TSHZ3: variants seen among roughly 807,000 people sequenced by gnomAD.
TSHZ3 encodes teashirt zinc finger homeobox 3, also known as teashirt homolog 3.
Under a neutral mutation model 64.5 loss-of-function variants are expected in TSHZ3, and 10 were observed. The ratio of observed to expected loss-of-function variants is 0.16; its 90% CI spans 0.10 to 0.26. TSHZ3 has a LOEUF of 0.26. Among genes scored for constraint, TSHZ3 ranks in the 10% least tolerant of loss-of-function variants. The pLI is 1.00. For missense variants in TSHZ3, 1,242 were observed against 1,421.7 expected (o/e 0.87, Z 2.03); for synonymous variants, 608 against 593.1 (o/e 1.03, Z -0.36).
intron 5 of TSHZ3, among the ~76,000 whole-genome samples, chr19:31,190,241 GT>G (rs998865743): frequency 6.6e-6 from 1 of 152,134 alleles, no homozygotes; most frequent in Non-Finnish European, 1.5e-5. Context: ...GTTCCCTGGA[GT>G]TTTTGGCAGA....
intron 1 of TSHZ3, among the ~76,000 whole-genome samples, chr19:31,281,143 G>T (rs1231374475): frequency 1.8e-4 from 27 of 152,146 alleles, no homozygotes; most frequent in Admixed American, 1.8e-3. Flanking sequence ...AAGCTCTTAA[G>T]AAAGGAAGGG....
At chr19:31,236,366 T>C (rs1300718001) in intron 3 of TSHZ3, among the ~76,000 whole-genome samples, 1 of 152,198 alleles carries the variant, frequency 6.6e-6, no homozygotes, top group East Asian at 1.9e-4. Flanking sequence ...ATTGTGGTTT[T>C]AGTTTGCATT....
At chr19:31,285,652 C>T (rs1297591487) in intron 1 of TSHZ3, among the ~76,000 whole-genome samples, 2 of 151,308 alleles carry the variant, frequency 1.3e-5, no homozygotes, top group African/African-American at 2.4e-5. Flanking sequence ...GGCATGGTGG[C>T]GGGTACCTGT....
chr19:31,260,093 T>C (rs1975965884), intron 1 of TSHZ3, among the ~76,000 whole-genome samples: 2 of 152,162 alleles, frequency 1.3e-5, no homozygotes, highest in Admixed American at 6.5e-5. Flanking sequence ...GACATGGGCC[T>C]CCTGCAGGCT....
At chr19:31,288,487 G>T (rs2145126546) in intron 1 of TSHZ3, among the ~76,000 whole-genome samples, 1 of 152,272 alleles carries the variant, frequency 6.6e-6, no homozygotes, top group South Asian at 2.1e-4. Context: ...AGACAGGAGG[G>T]GACAGTTCAA....
chr19:31,336,804 T>C (rs1464507072), intron 1 of TSHZ3, among the ~76,000 whole-genome samples: 1 of 152,152 alleles, frequency 6.6e-6, no homozygotes, highest in Non-Finnish European at 1.5e-5. Flanking sequence ...AGTTAGAACT[T>C]TGTGTCAAGC....
chr19:31,237,207 T>C (rs1255767560), intron 3 of TSHZ3, among the ~76,000 whole-genome samples: 1 of 152,110 alleles, frequency 6.6e-6, no homozygotes, highest in Admixed American at 6.5e-5. Context: ...TTTCAATACA[T>C]TGGAGACTGT....
intron 1 of TSHZ3, among the ~76,000 whole-genome samples, chr19:31,329,631 C>T (rs936014483): frequency 6.6e-6 from 1 of 152,136 alleles, no homozygotes; most frequent in Non-Finnish European, 1.5e-5. Flanking sequence ...TAAAAATGAA[C>T]CACTAGATGG....
intron 1 of TSHZ3, among the ~76,000 whole-genome samples, chr19:31,245,662 T>TCC (rs34050677): frequency 0.35 from 52,510 of 151,872 alleles, 13,379 homozygotes; most frequent in African/African-American, 0.71. Context: ...GATAGAGCCC[T>TCC]GGTCAGCCAC....
intron 1 of TSHZ3, among the ~76,000 whole-genome samples, chr19:31,261,098 T>G (rs1975978492): frequency 6.6e-6 from 1 of 152,184 alleles, no homozygotes. Context: ...TATATCCTCC[T>G]GTGCTTCAAT....
At chr19:31,164,306 G>A (rs1265900717) in intron 5 of TSHZ3, among the ~76,000 whole-genome samples, 1 of 152,140 alleles carries the variant, frequency 6.6e-6, no homozygotes, top group Non-Finnish European at 1.5e-5. Flanking sequence ...CTGTTGACCT[G>A]GACCCCTGAG....
In TSHZ3 at chr19:31,208,817, C is replaced by T. The variant is rs951338810; in HGVS notation, n.687-3739G>A. ...CACACTCTTCCATGTGCAGATCTTA[C>T]TTACCAACGCTACCTTCATTACAAC... is the stretch of plus-strand genomic sequence containing the variant. On this transcript the variant is annotated intron_variant and non_coding_transcript_variant, in intron 4 of 6. Transcript: ENST00000651361. Among the ~76,000 whole-genome samples, 3 of 152,170 alleles carry T rather than the reference C, an allele frequency of 2.0e-5. No homozygotes were observed. The South Asian group carries it at 6.2e-4, about 32-fold the overall frequency.
intron 1 of TSHZ3, among the ~76,000 whole-genome samples, chr19:31,251,417 C>G (rs1975840250): frequency 6.6e-6 from 1 of 152,172 alleles, no homozygotes; most frequent in African/African-American, 2.4e-5. Context: ...TATTCCAAAG[C>G]TGTTCTGGCC....
chr19:31,238,255 A>ATTTTTTT (rs372232422), intron 3 of TSHZ3, among the ~76,000 whole-genome samples: 1 of 134,570 alleles, frequency 7.4e-6, no homozygotes, highest in African/African-American at 2.8e-5. Context: ...TCCTTCGTGA[A>ATTTTTTT]TTTTTTTTTT....
intron 4 of TSHZ3, among the ~76,000 whole-genome samples, chr19:31,214,548 G>A (rs1464658878): frequency 6.6e-6 from 1 of 152,228 alleles, no homozygotes; most frequent in African/African-American, 2.4e-5. Flanking sequence ...TTGCACCTAA[G>A]TTGACTGAGA....
In TSHZ3 at chr19:31,276,855, C is replaced by T. The variant is rs376401184; in HGVS notation, c.2938G>A (p.Asp980Asn). The part of the protein sequence containing the change: ...DTGHPVFFCN[D>N]CASQIRTPST... ...GGAGTCCTGATTTGGGACGCACAAT[C>T]GTTACAAAAGAAGACGGGGTGGCCA... is the stretch of plus-strand genomic sequence containing the variant. The change falls in exon 2 of 2, where the codon GAT becomes AAT. Residue 980 changes from aspartate (D) to asparagine (N), a missense_variant. Physicochemically the swap from Asp to Asn is conservative, Grantham distance 23 (BLOSUM62 1). Around this residue, in one of 4 missense-constraint regions of TSHZ3, gnomAD observed 126 missense variants for 140.6 expected, o/e 0.90. Transcript: ENST00000240587. 12 of 1,614,050 alleles carry T rather than the reference C, an allele frequency of 7.4e-6. No individual in the cohort carries two copies. The highest frequency in any genetic ancestry group is 5.5e-5 in the South Asian group (5 of 91,084).
intron 5 of TSHZ3, among the ~76,000 whole-genome samples, chr19:31,202,139 C>T (rs931381938): frequency 1.3e-5 from 2 of 151,782 alleles, no homozygotes; most frequent in Non-Finnish European, 2.9e-5. Context: ...GCACTCTGGC[C>T]TGGGCAACAG....
At chr19:31,314,997 T>A (rs1330248769) in intron 1 of TSHZ3, among the ~76,000 whole-genome samples, 1 of 152,206 alleles carries the variant, frequency 6.6e-6, no homozygotes, top group East Asian at 1.9e-4. Flanking sequence ...ATAGAGAGCA[T>A]GGGATGTAAT....
chr19:31,167,704 T>G (rs1484565633), intron 5 of TSHZ3: 5 of 152,208 alleles, frequency 3.3e-5, no homozygotes, highest in Non-Finnish European at 7.3e-5. Flanking sequence ...GTTAAAGAAA[T>G]ACTTCATTGT....
Sources: gnomAD v4.1 joint callset for allele counts (sites outside exome capture counted in the v4.1 genomes callset) on GRCh38, gnomAD v4.1.1 for gene constraint, gnomAD v4.1.1 regional missense constraint, MANE v1.5 for transcripts, NCBI Gene and HGNC (gene_info 2026-07-23, HGNC 2026-07-21) for gene names.